NACC2: variants seen among roughly 807,000 people sequenced by gnomAD.
NACC2 encodes the protein nucleus accumbens-associated protein 2.
NACC2 carries 8 observed loss-of-function variants against 25.1 expected under a neutral mutation model. That is an observed-to-expected ratio of 0.32 (90% CI 0.19 to 0.57). NACC2 has a LOEUF of 0.57. NACC2 is among the 20% of genes least tolerant of loss of function. NACC2 has a pLI of 0.89. For missense variants in NACC2, 644 were observed against 650.2 expected (o/e 0.99, Z 0.10); for synonymous variants, 435 against 294.7 (o/e 1.48, Z -4.88).
Position 136,016,347 on chromosome 9 carries a change from G to C in NACC2, c.969C>G (p.Ser323Arg), listed in dbSNP as rs765499165. 6.8e-6 allele frequency: 11 copies of C among 1,612,458 alleles called. No individual in the cohort carries two copies. Among genetic ancestry groups the C allele is most frequent in the African/African-American group, 1.3e-5 (1 of 75,026 alleles). Reference sequence around the variant, plus strand: ...AGCGGTATCCGATCTGGCTGATGAGGCTGGCAGGTAGGGCCACGAGGTCGC... The same window carrying C: ...AGCGGTATCCGATCTGGCTGATGAGCCTGGCAGGTAGGGCCACGAGGTCGC... Reference protein sequence around the residue: ...IRRDLVALPASLISQIGYRCH... With the variant: ...IRRDLVALPARLISQIGYRCH... Residue 323 changes from serine to arginine, a missense_variant, in exon 3 of 6, where the codon AGC (serine) becomes AGG (arginine). Coordinates refer to ENST00000277554, the MANE Select transcript of NACC2 (RefSeq NM_144653.5).
At chr9:136,049,509 C>T in intron 2 of NACC2, 127 bp downstream of exon 2, 1 of 608,678 alleles carries the variant, frequency 1.6e-6, no homozygotes, top group Middle Eastern at 4.4e-4. Context: ...CCACCTCCTC[C>T]AGGCTTGGTG....
At chr9:136,038,102 A>G (rs1840580402) in intron 2 of NACC2, among the ~76,000 whole-genome samples, 1 of 152,228 alleles carries the variant, frequency 6.6e-6, no homozygotes, top group African/African-American at 2.4e-5. Context: ...AACACCATCT[A>G]TAAGCCAGGA....
At chr9:136,075,584 T>C (rs935917573) in intron 1 of NACC2, among the ~76,000 whole-genome samples, 1 of 152,228 alleles carries the variant, frequency 6.6e-6, no homozygotes, top group African/African-American at 2.4e-5. Context: ...TTATCGGGCA[T>C]AGGCCCACAT....
intron 2 of NACC2, among the ~76,000 whole-genome samples, chr9:136,016,911 A>G (rs1214820048): frequency 6.6e-6 from 1 of 151,792 alleles, no homozygotes; most frequent in Non-Finnish European, 1.5e-5. Flanking sequence ...GGTGGAGGAG[A>G]GGTGGGTAGC....
chr9:136,095,077 C>T (rs867106777), intron 1 of NACC2, 112 bp downstream of exon 1: 31 of 146,130 alleles, frequency 2.1e-4, no homozygotes, highest in African/African-American at 5.1e-4. Flanking sequence ...GCAGGGGGCT[C>T]GCGCCAAGTT....
intron 1 of NACC2, among the ~76,000 whole-genome samples, chr9:136,094,958 CCCCGGCCCCG>C (rs1478008175): frequency 5.5e-5 from 8 of 146,450 alleles, no homozygotes; most frequent in African/African-American, 4.9e-5. Context: ...CGCCGGGACC[CCCCGGCCCCG>C]CCCGGCCCCC....
intron 1 of NACC2, among the ~76,000 whole-genome samples, chr9:136,091,946 G>A (rs1830437508): frequency 1.3e-5 from 2 of 152,166 alleles, no homozygotes; most frequent in South Asian, 4.1e-4. Flanking sequence ...GGGTAACCTC[G>A]CTCCCCGGCC....
intron 1 of NACC2, among the ~76,000 whole-genome samples, chr9:136,089,218 C>T (rs964249993): frequency 6.6e-6 from 1 of 152,062 alleles, no homozygotes; most frequent in Non-Finnish European, 1.5e-5. Context: ...GCCAGGGGAC[C>T]CTCCCAGCTG....
intron 1 of NACC2, among the ~76,000 whole-genome samples, chr9:136,089,187 C>T (rs1273504539): frequency 6.6e-6 from 1 of 152,096 alleles, no homozygotes; most frequent in Non-Finnish European, 1.5e-5. Flanking sequence ...ACCCCCGGGC[C>T]CCCACCCAGA....
chr9:136,056,155 G>A (rs371921763), intron 1 of NACC2, among the ~76,000 whole-genome samples: 19 of 152,182 alleles, frequency 1.2e-4, no homozygotes, highest in African/African-American at 3.9e-4. Context: ...GCCCAGCTCC[G>A]GATGTGCCAG....
intron 1 of NACC2, among the ~76,000 whole-genome samples, chr9:136,094,612 C>A (rs549551522): frequency 2.0e-5 from 3 of 152,128 alleles, no homozygotes; most frequent in Non-Finnish European, 4.4e-5. Flanking sequence ...AGTTTCTCCC[C>A]AGGCTGGGGC....
chr9:136,088,569 G>A (rs1338593010), intron 1 of NACC2, among the ~76,000 whole-genome samples: 1 of 152,194 alleles, frequency 6.6e-6, no homozygotes, highest in Non-Finnish European at 1.5e-5. Flanking sequence ...ACCCAGGTCC[G>A]GTGACCACCG....
intron 2 of NACC2, among the ~76,000 whole-genome samples, chr9:136,024,758 T>TCC (rs1407665239): frequency 2.0e-5 from 3 of 152,100 alleles, no homozygotes; most frequent in African/African-American, 4.8e-5. Context: ...TTAGACTAAC[T>TCC]CCCTCATCAA....
rs1048606799 is a variant in NACC2, at chr9:136,069,653, C to G, written c.-59-19073G>C. 3.3e-5 allele frequency among the ~76,000 whole-genome samples: 5 copies of G among 151,680 alleles called. 1 individual carries two copies. Among genetic ancestry groups the G allele is most frequent in the African/African-American group, 1.2e-4 (5 of 41,086 alleles). ...AAAGAATAGAAAAAGATAAATTATG[C>G]AAACATAAAAGAAAGCAAGGGTTGT... On this transcript the variant is annotated intron_variant, in intron 1 of 5. Coordinates refer to ENST00000277554, the MANE Select transcript of NACC2 (RefSeq NM_144653.5).
intron 3 of NACC2, 59 bp from the exon 4 acceptor site, chr9:136,014,028 G>T: frequency 1.8e-6 from 2 of 1,142,084 alleles, no homozygotes; most frequent in South Asian, 1.4e-5. Flanking sequence ...GGTCCGAAGA[G>T]GCGCACAGAT....
chr9:136,084,450 T>C lies in NACC2; in HGVS notation c.-60+10739A>G, dbSNP rs1215482976. Among the ~76,000 whole-genome samples the C allele has an allele frequency of 1.3e-5, 2 of 152,182 alleles. No homozygotes were observed. Among genetic ancestry groups the C allele is most frequent in the Non-Finnish European group, 2.9e-5 (2 of 68,036 alleles). ...GCAACGTCCAAGAAGGCGGTATCTCTGACGTCCCTGCCCAAGACGCCAATC... is the reference window on the plus strand; with the variant it reads ...GCAACGTCCAAGAAGGCGGTATCTCCGACGTCCCTGCCCAAGACGCCAATC... On this transcript the variant is annotated intron_variant, in intron 1 of 5. Coordinates refer to ENST00000277554, the MANE Select transcript of NACC2 (RefSeq NM_144653.5). The surrounding 1 kb of genome is among the most constrained non-coding windows in gnomAD (Gnocchi z 5.1).
chr9:136,070,620 A>T (rs1422884003), intron 1 of NACC2, among the ~76,000 whole-genome samples: 1 of 151,630 alleles, frequency 6.6e-6, no homozygotes, highest in Non-Finnish European at 1.5e-5. Flanking sequence ...TATTAGAAAA[A>T]AGGAAAAGTC....
intron 1 of NACC2, among the ~76,000 whole-genome samples, chr9:136,058,778 C>T (rs1166321546): frequency 5.9e-5 from 9 of 152,352 alleles, no homozygotes; most frequent in African/African-American, 1.4e-4. Flanking sequence ...ACCAGAGATT[C>T]GGAATAGCCC....
At chr9:136,032,662 C>G (rs1447518515) in intron 2 of NACC2, among the ~76,000 whole-genome samples, 2 of 152,112 alleles carry the variant, frequency 1.3e-5, no homozygotes. Context: ...TTTGGGAGGC[C>G]AAGGCAGGCG....
Sources: allele counts gnomAD v4.1 joint callset (sites outside exome capture counted in the v4.1 genomes callset), GRCh38; gene constraint gnomAD v4.1.1; non-coding constraint Gnocchi (gnomAD v3.1); transcripts MANE v1.5; gene names NCBI Gene and HGNC (gene_info 2026-07-23, HGNC 2026-07-21).